The following PCDHGA8 variants were observed in gnomAD, a reference collection of about 807,000 sequenced individuals.
The protein encoded by PCDHGA8 is protocadherin gamma subfamily A, 8, also known as protocadherin gamma-A8.
In PCDHGA8, 45 loss-of-function variants were observed where a neutral mutation model predicts 59.2. That is an observed-to-expected ratio of 0.76 (90% CI 0.60 to 0.98). The LOEUF (loss-of-function observed/expected upper bound fraction) is 0.98, where lower values mean the gene tolerates loss of function less well. Ranked by LOEUF, PCDHGA8 falls within the 50% of genes least tolerant of loss-of-function variation. PCDHGA8 has a pLI of 0.00. For synonymous variants in PCDHGA8, 531 were observed against 519.0 expected, an observed-to-expected ratio of 1.02 and a Z score of -0.32; for missense variants, 1,257 against 1,196.2, an observed-to-expected ratio of 1.05 and a Z score of -0.75.
intron 1 of PCDHGA8, among the ~76,000 whole-genome samples, chr5:141,452,760 G>A (rs920853226): frequency 3.3e-5 from 5 of 152,120 alleles, no homozygotes; most frequent in Non-Finnish European, 7.4e-5. Context: ...AAGGAAGGGA[G>A]GGAGGGAAAA....
intron 1 of PCDHGA8, among the ~76,000 whole-genome samples, chr5:141,463,128 A>G (rs914895217): frequency 1.5e-4 from 23 of 152,190 alleles, no homozygotes; most frequent in Admixed American, 1.4e-3. Context: ...GCTCCCTGGC[A>G]GTTCTTCGCC....
chr5:141,508,723 G>A (rs941469412), intron 3 of PCDHGA8, among the ~76,000 whole-genome samples: 2 of 151,814 alleles, frequency 1.3e-5, no homozygotes, highest in African/African-American at 4.8e-5. Context: ...TGTGTGCAGG[G>A]AGACTACACC....
chr5:141,432,215 C>T lies in PCDHGA8; in HGVS notation c.2424+36978C>T. The T allele has an allele frequency of 1.9e-6, 3 of 1,614,228 alleles. No individual in the cohort carries two copies. The highest frequency in any genetic ancestry group is 2.5e-6 in the Non-Finnish European group (3 of 1,180,036). The stretch of plus-strand genomic sequence containing the variant: ...CGACCCCGACTGTGAAGAGAACGCC[C>T]AGATCACTTATTCCCTGGCTGAGAA... On this transcript the variant is annotated intron_variant, in intron 1 of 3. Transcript: ENST00000398604. This position sits in a 1 kb window ranked among gnomAD's most constrained non-coding sequence, Gnocchi z 6.0.
intron 1 of PCDHGA8, among the ~76,000 whole-genome samples, chr5:141,483,015 G>A (rs916071219): frequency 2.0e-5 from 3 of 152,044 alleles, no homozygotes; most frequent in African/African-American, 7.2e-5. Context: ...AACCCGGGAG[G>A]CAGAGGTTGC....
intron 2 of PCDHGA8, among the ~76,000 whole-genome samples, chr5:141,497,076 C>T (rs1052240279): frequency 5.9e-5 from 9 of 151,826 alleles, no homozygotes; most frequent in Non-Finnish European, 8.8e-5. Context: ...GTAATCCCAG[C>T]GACTTAGGAG....
At chr5:141,450,006 CTTT>C (rs1554136305) in intron 1 of PCDHGA8, among the ~76,000 whole-genome samples, 9 of 132,974 alleles carry the variant, frequency 6.8e-5, no homozygotes, top group Admixed American at 7.8e-5. Context: ...TGCCATGTCT[CTTT>C]TTTTTTTTTT....
At chr5:141,467,337 G>A (rs1018807977) in intron 1 of PCDHGA8, among the ~76,000 whole-genome samples, 1 of 152,162 alleles carries the variant, frequency 6.6e-6, no homozygotes, top group Admixed American at 6.6e-5. Flanking sequence ...AGAGACGTAA[G>A]CCACTGCCCC....
chr5:141,404,291 G>C, intron 1 of PCDHGA8: 1 of 1,613,956 alleles, frequency 6.2e-7, no homozygotes, highest in Non-Finnish European at 8.5e-7. Context: ...TGACATCAAT[G>C]ATAATCCACC....
At chr5:141,471,802 A>G (rs2154571076) in intron 1 of PCDHGA8, among the ~76,000 whole-genome samples, 1 of 152,362 alleles carries the variant, frequency 6.6e-6, no homozygotes, top group African/African-American at 2.4e-5. Context: ...TATAAAAGAC[A>G]TATAAAAGAC....
chr5:141,404,083 G>A (rs761560113), intron 1 of PCDHGA8: 7 of 1,613,736 alleles, frequency 4.3e-6, no homozygotes, highest in Admixed American at 3.3e-5. Context: ...GAGACTCCGG[G>A]AAGAATGGTC....
intron 1 of PCDHGA8, chr5:141,427,201 A>G (rs1272966114): frequency 4.4e-6 from 2 of 456,618 alleles, no homozygotes; most frequent in African/African-American, 4.0e-5. Flanking sequence ...GACTTAATAG[A>G]CTTCGAATTT....
At position 141,470,874 on chromosome 5, in the gene PCDHGA8, T is replaced by G. The variant is rs146599745; in HGVS notation, c.2425-23933T>G. ...AGATAAGTTTTTTGTTTGTTTGTTT[T>G]TTTGTTTTTGTTTTTGTTTTTTGTA... On this transcript the variant is annotated intron_variant, in intron 1 of 3. Coordinates refer to ENST00000398604, the MANE Select transcript of PCDHGA8 (RefSeq NM_032088.2). 1.4e-3 allele frequency among the ~76,000 whole-genome samples: 218 copies of G among 151,820 alleles called. 1 individual carries two copies. Among genetic ancestry groups the G allele is most frequent in the Middle Eastern group, 0.01 (3 of 294 alleles).
intron 1 of PCDHGA8, among the ~76,000 whole-genome samples, chr5:141,448,434 GA>G (rs1297090877): frequency 1.3e-5 from 2 of 152,050 alleles, no homozygotes; most frequent in South Asian, 4.2e-4. Flanking sequence ...TATATATTGA[GA>G]AGTCTGACTT....
intron 1 of PCDHGA8, among the ~76,000 whole-genome samples, chr5:141,483,007 C>T (rs938404755): frequency 1.3e-5 from 2 of 152,022 alleles, no homozygotes; most frequent in Non-Finnish European, 2.9e-5. Flanking sequence ...ATTGCTTGAA[C>T]CCGGGAGGCA....
intron 1 of PCDHGA8, chr5:141,423,684 T>TA (rs1412198122): frequency 1.3e-6 from 2 of 1,524,644 alleles, no homozygotes; most frequent in Non-Finnish European, 1.8e-6. Context: ...CTCTGCCTCC[T>TA]AATTGTTGGT....
At chr5:141,409,243 AATC>A in intron 1 of PCDHGA8, 1 of 1,614,032 alleles carries the variant, frequency 6.2e-7, no homozygotes, top group South Asian at 1.1e-5. Context: ...GCCCAGAAAT[AATC>A]ATCACTTCTC....
intron 1 of PCDHGA8, chr5:141,423,720 A>T: frequency 3.1e-6 from 3 of 957,770 alleles, no homozygotes; most frequent in Admixed American, 5.5e-5. Context: ...TTTTAAGGAG[A>T]TGTTTTTTGA....
chr5:141,437,252 CTT>C (rs1030396727), intron 1 of PCDHGA8, among the ~76,000 whole-genome samples: 3 of 152,268 alleles, frequency 2.0e-5, no homozygotes, highest in Admixed American at 6.5e-5. Context: ...CTTTCCTTGT[CTT>C]TTTATGTGTA....
intron 2 of PCDHGA8, 179 bp downstream of exon 2, chr5:141,495,044 T>C (rs2099758475): frequency 1.1e-6 from 1 of 944,572 alleles, no homozygotes; most frequent in Non-Finnish European, 1.3e-6. Flanking sequence ...AAGAGGCGAC[T>C]GCCCTGACTG....
Sources: allele counts gnomAD v4.1 joint callset (sites outside exome capture counted in the v4.1 genomes callset), GRCh38; gene constraint gnomAD v4.1.1; non-coding constraint Gnocchi (gnomAD v3.1); transcripts MANE v1.5; gene names NCBI Gene and HGNC (gene_info 2026-07-23, HGNC 2026-07-21).